Variants in NR3C2 observed in about 807,000 individuals in gnomAD.
The protein encoded by NR3C2 is mineralocorticoid receptor.
A neutral mutation model predicts 86.4 loss-of-function variants in NR3C2; 15 were observed. That is an observed-to-expected ratio of 0.17 (90% confidence interval 0.12 to 0.27). The LOEUF (loss-of-function observed/expected upper bound fraction) is 0.27. Among genes scored for constraint, NR3C2 ranks in the 10% least tolerant of loss-of-function variants. The pLI, the probability that NR3C2 is intolerant of heterozygous loss-of-function variation, is 1.00. For missense variants in NR3C2, 960 were observed against 1,195.6 expected (o/e 0.80, Z 2.91); for synonymous variants, 458 against 450.5 (o/e 1.02, Z -0.21).
chr4:148,094,759 A>G (rs28398455), intron 8 of NR3C2, among the ~76,000 whole-genome samples: 34,904 of 151,750 alleles, frequency 0.23, 4,872 homozygotes, highest in African/African-American at 0.39. Flanking sequence ...AAAAAACAAA[A>G]TATGTTCACA....
At chr4:148,217,014 A>G (rs1279046722) in intron 3 of NR3C2, among the ~76,000 whole-genome samples, 5 of 152,240 alleles carry the variant, frequency 3.3e-5, no homozygotes, top group Non-Finnish European at 7.3e-5. Flanking sequence ...CTGAAAGTTA[A>G]ATTATATCAA....
intron 6 of NR3C2, among the ~76,000 whole-genome samples, chr4:148,121,408 G>T (rs1241829345): frequency 1.3e-5 from 2 of 152,160 alleles, no homozygotes; most frequent in Non-Finnish European, 2.9e-5. Flanking sequence ...TAAGATAGAA[G>T]CCATTTTAAA....
At position 148,136,066 on chromosome 4, in the gene NR3C2, A is replaced by AC. The variant is rs1560939918; in HGVS notation, c.2511-15779_2511-15778insG. 4.0e-3 allele frequency among the ~76,000 whole-genome samples: 391 copies of AC among 97,644 alleles called. 15 individuals are homozygous for AC. The highest frequency in any genetic ancestry group is 0.012 in the African/African-American group (349 of 28,454). 64.1% of individuals were successfully genotyped at this position (97,644 alleles called of 152,430 possible). A position where few individuals can be genotyped will look rare whatever the true frequency, so the allele number is the denominator to read the frequency against. On this transcript the variant is annotated intron_variant, in intron 6 of 8. Transcript: ENST00000358102. ...AGCGAGACTCCGTCTCAAAAAAAAA[A>AC]AAAAAAAAAACAAAAAAAAAAAACA... is the stretch of plus-strand genomic sequence containing the variant.
At chr4:148,305,695 A>C (rs879346384) in intron 2 of NR3C2, among the ~76,000 whole-genome samples, 1 of 152,226 alleles carries the variant, frequency 6.6e-6, no homozygotes, top group Non-Finnish European at 1.5e-5. Flanking sequence ...TTGTGCATGC[A>C]TTAAAGATTA....
chr4:148,215,460 A>C (rs1460582917), intron 3 of NR3C2, among the ~76,000 whole-genome samples: 4 of 152,238 alleles, frequency 2.6e-5, no homozygotes, highest in Non-Finnish European at 5.9e-5. Flanking sequence ...GAGGATAAAC[A>C]GTATGGAGAG....
At chr4:148,443,835 G>C (rs1023860129), upstream of NR3C2, among the ~76,000 whole-genome samples, 1 of 152,216 alleles carries the variant, frequency 6.6e-6, no homozygotes, top group African/African-American at 2.4e-5. Flanking sequence ...CTCCTTAACA[G>C]TTAGTTAAGC....
upstream of NR3C2, chr4:148,442,538 C>A (rs895370592): frequency 1.3e-5 from 7 of 532,700 alleles, no homozygotes; most frequent in Non-Finnish European, 1.4e-5. Flanking sequence ...GGTCACATGT[C>A]CAGATAAAGT....
chr4:148,123,253 C>A (rs1227829630), intron 6 of NR3C2, among the ~76,000 whole-genome samples: 1 of 152,184 alleles, frequency 6.6e-6, no homozygotes, highest in African/African-American at 2.4e-5. Context: ...CAAACCGGTT[C>A]TCTGCTCTCA....
In NR3C2 at chr4:148,079,726, C is replaced by A. The variant is rs1193383001; in HGVS notation, c.*1618G>T. ...AGTGCCACTGTCTTGCTTATATGATCTGTAATTTTTCTCCAAAACTGTTTA... is the reference window on the plus strand; with the variant it reads ...AGTGCCACTGTCTTGCTTATATGATATGTAATTTTTCTCCAAAACTGTTTA... On this transcript the variant is annotated 3_prime_UTR_variant, in exon 9 of 9. Coordinates refer to ENST00000358102, the MANE Select transcript of NR3C2 (RefSeq NM_000901.5). 6.6e-6 allele frequency: 1 copy of A among 152,646 alleles called. No individual in the cohort carries two copies. The highest frequency in any genetic ancestry group is 2.4e-5 in the African/African-American group (1 of 41,442). The allele number at this position is 152,646 out of a possible 1,614,324, so 9.5% of individuals were successfully genotyped here.
chr4:148,121,113 G>A (rs1029405130), intron 6 of NR3C2, among the ~76,000 whole-genome samples: 8 of 152,160 alleles, frequency 5.3e-5, no homozygotes, highest in Non-Finnish European at 7.3e-5. Flanking sequence ...TGACCAGACC[G>A]TAAAAAGTGA....
At position 148,259,264 on chromosome 4, in the gene NR3C2, T is replaced by C. The variant is rs998639990; in HGVS notation, c.1897+714A>G. On this transcript the variant is annotated intron_variant, in intron 3 of 8. Transcript: ENST00000358102. Reference sequence around the variant, plus strand: ...AAAAATTCTACACTTTCACCAGACATAGTTTGCAACATCAATAAAACCATC... The same window carrying C: ...AAAAATTCTACACTTTCACCAGACACAGTTTGCAACATCAATAAAACCATC... Among the ~76,000 whole-genome samples, 4 of 152,198 alleles carry C rather than the reference T, an allele frequency of 2.6e-5. 1 individual carries two copies.
At chr4:148,364,891 A>C (rs1365687750) in intron 2 of NR3C2, among the ~76,000 whole-genome samples, 1 of 151,844 alleles carries the variant, frequency 6.6e-6, no homozygotes, top group Non-Finnish European at 1.5e-5. Context: ...TAAACATGAA[A>C]TTCATTTATG....
At chr4:148,116,732 A>G (rs545921968) in intron 7 of NR3C2, among the ~76,000 whole-genome samples, 1 of 152,342 alleles carries the variant, frequency 6.6e-6, no homozygotes, top group South Asian at 2.1e-4. Context: ...AAAAATCAGA[A>G]TTCAAAGTAC....
intron 8 of NR3C2, among the ~76,000 whole-genome samples, chr4:148,104,036 T>C (rs181045697): frequency 1.2e-4 from 18 of 152,348 alleles, no homozygotes; most frequent in East Asian, 3.9e-4. Context: ...TAAGCATCCA[T>C]TGGCACAAGT....
intron 6 of NR3C2, among the ~76,000 whole-genome samples, chr4:148,136,917 G>C (rs1051664029): frequency 6.6e-6 from 1 of 152,258 alleles, no homozygotes; most frequent in South Asian, 2.1e-4. Flanking sequence ...GAATTCTAGA[G>C]GATGGAAGTT....
rs1241911380 is a variant in NR3C2 at position 148,351,080 on chromosome 4, AG to A, written c.1757+84023del. On this transcript the variant is annotated intron_variant, in intron 2 of 8. Coordinates refer to ENST00000358102, the MANE Select transcript of NR3C2 (RefSeq NM_000901.5). ...GTGTTTCAATTTTTAACACTTAAAT[AG>A]TGTTGCATATGCAATCTAATCTTTT... is the stretch of plus-strand genomic sequence containing the variant. Among the ~76,000 whole-genome samples the A allele has an allele frequency of 3.4e-5, 4 of 118,966 alleles. No homozygotes were observed. In the Admixed American group the frequency reaches 3.4e-4, roughly 10 times the overall value. 78.0% of individuals were successfully genotyped at this position (118,966 alleles called of 152,430 possible). A position where few individuals can be genotyped will look rare whatever the true frequency, so the allele number is the denominator to read the frequency against.
At chr4:148,140,246 T>C (rs1437661300) in intron 6 of NR3C2, among the ~76,000 whole-genome samples, 1 of 152,220 alleles carries the variant, frequency 6.6e-6, no homozygotes, top group African/African-American at 2.4e-5. Context: ...GTCTCACACC[T>C]GTAAACCCAG....
At chr4:148,372,122 G>C (rs1746452018) in intron 2 of NR3C2, among the ~76,000 whole-genome samples, 5 of 152,058 alleles carry the variant, frequency 3.3e-5, no homozygotes, top group Admixed American at 3.3e-4. Flanking sequence ...AGCAAATAAA[G>C]ATTAGTCCTT....
chr4:148,439,281 A>G (rs1232656931), intron 1 of NR3C2, among the ~76,000 whole-genome samples: 2 of 152,224 alleles, frequency 1.3e-5, no homozygotes, highest in East Asian at 3.8e-4. Flanking sequence ...ATAAATTACT[A>G]TATAGCTAAG....
Sources: gnomAD v4.1 joint callset for allele counts (sites outside exome capture counted in the v4.1 genomes callset) on GRCh38, gnomAD v4.1.1 for gene constraint, MANE v1.5 for transcripts, NCBI Gene and HGNC (gene_info 2026-07-23, HGNC 2026-07-21) for gene names.